Variants in NIBAN1 observed in about 807,000 individuals in gnomAD.
NIBAN1 encodes niban apoptosis regulator 1, also known as protein Niban 1.
A neutral mutation model predicts 75.1 loss-of-function variants in NIBAN1; 81 were observed. That is an observed-to-expected ratio of 1.08 (90% confidence interval 0.90 to 1.30). The LOEUF is 1.30. Ranked by LOEUF, NIBAN1 falls within the 50% of genes most tolerant of loss-of-function variation. The probability of loss-of-function intolerance (pLI) is 0.00; values close to 1 mark genes in which losing one functional copy is unlikely to be tolerated. For missense variants in NIBAN1, 1,133 were observed against 1,128.1 expected (o/e 1.00, Z -0.06); for synonymous variants, 436 against 424.8 (o/e 1.03, Z -0.32).
At chr1:184,835,609 T>C (rs967162178) in intron 5 of NIBAN1, among the ~76,000 whole-genome samples, 11 of 152,226 alleles carry the variant, frequency 7.2e-5, no homozygotes, top group African/African-American at 2.7e-4. Flanking sequence ...GTAGCAATTG[T>C]GAATGGGAGT....
chr1:184,899,280 T>A lies in NIBAN1; in HGVS notation c.85A>T (p.Ser29Cys), dbSNP rs769882043. Residue 29 changes from serine (S) to cysteine (C), a missense_variant, in exon 2 of 14, where the codon AGT becomes TGT. Coordinates refer to ENST00000367511, the MANE Select transcript of NIBAN1 (RefSeq NM_052966.4). ...GAGTACTGACGACTGTAGTAGGGAC[T>A]GAAGTTTTTGATGGCAGCCTCAGTT... ...GKTEAAIKNF[S>C]PYYSRQYSVA... The A allele has an allele frequency of 1.2e-6, 2 of 1,613,866 alleles. No individual in the cohort carries two copies. The highest frequency in any genetic ancestry group is 1.7e-6 in the Non-Finnish European group (2 of 1,179,802).
Position 184,917,402 on chromosome 1 carries a change from C to T in NIBAN1, c.56-18093G>A, listed in dbSNP as rs1291202525. Among the ~76,000 whole-genome samples the T allele has an allele frequency of 4.8e-5, 6 of 125,068 alleles. No homozygotes were observed. In the East Asian group the frequency reaches 7.0e-4, roughly 15 times the overall value. The allele number at this position is 125,068 out of a possible 152,430, so 82.0% of individuals were successfully genotyped here. On this transcript the variant is annotated intron_variant, in intron 1 of 13. Transcript: ENST00000367511. ...TTTTTTTTTTTTTTTTTAGTAGAGA[C>T]GGGGTTTCACCATGTTAGCCAGGAA...
chr1:184,805,206 T>C (rs1319889112), intron 11 of NIBAN1, among the ~76,000 whole-genome samples: 1 of 152,246 alleles, frequency 6.6e-6, no homozygotes, highest in Non-Finnish European at 1.5e-5. Context: ...TTTGATCTTC[T>C]GTTCCAAGGC....
chr1:184,831,709 A>T (rs1455521335), intron 6 of NIBAN1, 138 bp downstream of exon 6: 3 of 649,694 alleles, frequency 4.6e-6, no homozygotes, highest in Non-Finnish European at 8.1e-6. Context: ...GCTTGCAGAC[A>T]TGAGAGAGAT....
At position 184,957,833 on chromosome 1, in the gene NIBAN1, G is replaced by A. The variant is rs112792438; in HGVS notation, c.55+16469C>T. Among the ~76,000 whole-genome samples the A allele has an allele frequency of 1.5e-3, 225 of 152,226 alleles. No individual in the cohort carries two copies. The Middle Eastern group carries it at 0.017, about 12-fold the overall frequency. ...TCGTGCCTGTTTTCCAAAGGTGAAA[G>A]CTCCATTTATTTATTTTTTATTGTA... On this transcript the variant is annotated intron_variant, in intron 1 of 13. Transcript: ENST00000367511.
chr1:184,935,331 C>A (rs1321872793), intron 1 of NIBAN1, among the ~76,000 whole-genome samples: 6 of 151,862 alleles, frequency 4.0e-5, no homozygotes, highest in Admixed American at 1.3e-4. Flanking sequence ...TGCAGTGAGA[C>A]CCTGTCTATA....
At chr1:184,829,642 A>G (rs1654943161) in intron 6 of NIBAN1, among the ~76,000 whole-genome samples, 1 of 151,300 alleles carries the variant, frequency 6.6e-6, no homozygotes, top group Non-Finnish European at 1.5e-5. Context: ...ATTTTTTTCT[A>G]TTTTTAGTAG....
intron 1 of NIBAN1, among the ~76,000 whole-genome samples, chr1:184,939,232 T>A (rs907059186): frequency 1.3e-5 from 2 of 152,186 alleles, no homozygotes; most frequent in Non-Finnish European, 2.9e-5. Flanking sequence ...GGGCACCACA[T>A]CAGTGCCATA....
chr1:184,971,665 T>C (rs1431538194), intron 1 of NIBAN1, among the ~76,000 whole-genome samples: 1 of 151,688 alleles, frequency 6.6e-6, no homozygotes. Context: ...TGAGACTCTG[T>C]CTCAAAAAAA....
At chr1:184,922,231 CCTTT>C (rs1163057438) in intron 1 of NIBAN1, among the ~76,000 whole-genome samples, 3 of 152,196 alleles carry the variant, frequency 2.0e-5, no homozygotes, top group East Asian at 3.9e-4. Context: ...AAGCATTTAT[CCTTT>C]CTTTGTGTTA....
intron 5 of NIBAN1, among the ~76,000 whole-genome samples, chr1:184,883,617 T>G (rs1656433125): frequency 6.6e-6 from 1 of 152,222 alleles, no homozygotes; most frequent in Admixed American, 6.5e-5. Flanking sequence ...AGTCCATGCC[T>G]GGAGGCAAAG....
chr1:184,812,367 A>G (rs1654405986), intron 9 of NIBAN1, among the ~76,000 whole-genome samples: 1 of 152,076 alleles, frequency 6.6e-6, no homozygotes, highest in African/African-American at 2.4e-5. Context: ...AAAAAATAAT[A>G]ATTTTCCTTT....
intron 1 of NIBAN1, among the ~76,000 whole-genome samples, chr1:184,963,062 TA>T (rs1367659261): frequency 6.6e-6 from 1 of 151,642 alleles, no homozygotes; most frequent in East Asian, 1.9e-4. Flanking sequence ...AGTGGTAAAG[TA>T]AGAAAAAAAT....
intron 1 of NIBAN1, among the ~76,000 whole-genome samples, chr1:184,911,244 A>G (rs1571567287): frequency 2.0e-5 from 3 of 152,356 alleles, no homozygotes; most frequent in Admixed American, 2.0e-4. Context: ...AGCAATGCAA[A>G]TATCTAGTGC....
intron 6 of NIBAN1, among the ~76,000 whole-genome samples, chr1:184,827,716 G>C (rs1371040032): frequency 2.6e-5 from 4 of 151,918 alleles, no homozygotes; most frequent in Non-Finnish European, 4.4e-5. Context: ...CCCCTTGAAG[G>C]CCACACCACA....
chr1:184,823,629 A>C lies in NIBAN1; in HGVS notation c.822+9T>G. 6.2e-7 allele frequency: 1 copy of C among 1,613,494 alleles called. No individual in the cohort carries two copies. The highest frequency in any genetic ancestry group is 8.5e-7 in the Non-Finnish European group (1 of 1,179,436). The stretch of plus-strand genomic sequence containing the variant: ...AGTAGCTCAGTTGTAGAGCAAAACC[A>C]TTGCTTACACCAAGCCACGTCCTCT... On this transcript the variant is annotated intron_variant, in intron 7 of 13. Transcript: ENST00000367511.
chr1:184,875,532 T>C (rs1656209624), intron 5 of NIBAN1, among the ~76,000 whole-genome samples: 1 of 152,128 alleles, frequency 6.6e-6, no homozygotes, highest in South Asian at 2.1e-4. Flanking sequence ...CCCAAATAAG[T>C]GATCCAAGAG....
chr1:184,935,664 T>G (rs1210551311), intron 1 of NIBAN1, among the ~76,000 whole-genome samples: 1 of 152,056 alleles, frequency 6.6e-6, no homozygotes, highest in Non-Finnish European at 1.5e-5. Context: ...TTGCAAAAAT[T>G]CAGACTGGCT....
chr1:184,818,709 G>GT lies in NIBAN1; in HGVS notation c.1101dup (p.Leu368ThrfsTer3), dbSNP rs778517612. ...ACTTCATTCACCTCTTTCTCAAAGA[G>GT]TACACGTACTTCACTGAATCCCGAG... is the stretch of plus-strand genomic sequence containing the variant. On this transcript the variant is annotated frameshift_variant, in exon 9 of 14. Transcript: ENST00000367511. LOFTEE classifies it high-confidence loss of function. 1.9e-6 allele frequency: 3 copies of GT among 1,613,486 alleles called. No homozygotes were observed. Among genetic ancestry groups the GT allele is most frequent in the Non-Finnish European group, 2.5e-6 (3 of 1,179,610 alleles).
Sources: allele counts gnomAD v4.1 joint callset (sites outside exome capture counted in the v4.1 genomes callset), GRCh38; gene constraint gnomAD v4.1.1; transcripts MANE v1.5; gene names NCBI Gene and HGNC (gene_info 2026-07-23, HGNC 2026-07-21).